Variants in CPE observed in about 807,000 individuals in gnomAD.
The protein encoded by CPE is carboxypeptidase E, also known as carbocypeptidase E.
A neutral mutation model predicts 53.5 loss-of-function variants in CPE; 17 were observed. The observed-to-expected ratio is 0.32, with a 90% CI of 0.22 to 0.48. The LOEUF is 0.48. Ranked by LOEUF, CPE falls within the 20% of genes least tolerant of loss-of-function variation. CPE has a pLI of 0.99. For missense variants in CPE, 524 were observed against 614.7 expected (o/e 0.85, Z 1.56); for synonymous variants, 226 against 228.8 (o/e 0.99, Z 0.11).
chr4:165,421,550 A>C (rs1731220524), intron 1 of CPE, among the ~76,000 whole-genome samples: 1 of 152,214 alleles, frequency 6.6e-6, no homozygotes, highest in Non-Finnish European at 1.5e-5. Flanking sequence ...TTTACCTCAC[A>C]GCCCTGCATC....
intron 1 of CPE, among the ~76,000 whole-genome samples, chr4:165,461,398 C>T (rs1206449556): frequency 2.0e-5 from 3 of 151,846 alleles, no homozygotes; most frequent in Admixed American, 6.6e-5. Flanking sequence ...AGAGGCACCA[C>T]GCCAAACCAC....
At chr4:165,435,466 TATATC>T (rs1731484204) in intron 1 of CPE, among the ~76,000 whole-genome samples, 1 of 152,218 alleles carries the variant, frequency 6.6e-6, no homozygotes, top group East Asian at 1.9e-4. Flanking sequence ...TATGGGTTAT[TATATC>T]ATAGGAAAAT....
chr4:165,399,635 G>A (rs1264537531), intron 1 of CPE, among the ~76,000 whole-genome samples: 1 of 152,176 alleles, frequency 6.6e-6, no homozygotes, highest in Non-Finnish European at 1.5e-5. Flanking sequence ...GCCTCCCAAA[G>A]TGCTGGGATT....
At chr4:165,451,392 T>C (rs1731804641) in intron 1 of CPE, among the ~76,000 whole-genome samples, 1 of 152,216 alleles carries the variant, frequency 6.6e-6, no homozygotes, top group African/African-American at 2.4e-5. Context: ...ATTTATTAGC[T>C]ACCCACTAGT....
chr4:165,389,083 A>G (rs1205695653), intron 1 of CPE, among the ~76,000 whole-genome samples: 3 of 152,206 alleles, frequency 2.0e-5, no homozygotes, highest in Admixed American at 1.3e-4. Flanking sequence ...AGTCAAATTC[A>G]GTTTTGAGAA....
At chr4:165,406,298 C>G (rs567997230) in intron 1 of CPE, 6 of 582,166 alleles carry the variant, frequency 1.0e-5, no homozygotes, top group African/African-American at 9.3e-5. Context: ...AGCGGAGGAT[C>G]CTGAAGGCAG....
chr4:165,476,476 G>A (rs780164257), intron 3 of CPE, among the ~76,000 whole-genome samples: 2 of 148,662 alleles, frequency 1.3e-5, no homozygotes, highest in African/African-American at 4.9e-5. Context: ...TCATATACCA[G>A]TTAAACTCTG....
chr4:165,449,854 C>T (rs1731778530), intron 1 of CPE, among the ~76,000 whole-genome samples: 1 of 151,568 alleles, frequency 6.6e-6, no homozygotes, highest in Admixed American at 6.6e-5. Context: ...TGATTTTTAT[C>T]AGTAAACTTG....
chr4:165,466,471 A>G (rs575181167), intron 2 of CPE, among the ~76,000 whole-genome samples: 1 of 152,278 alleles, frequency 6.6e-6, no homozygotes, highest in Non-Finnish European at 1.5e-5. Context: ...CTAAATTTAT[A>G]AAAACTATTT....
chr4:165,395,984 C>CT (rs1175381524), intron 1 of CPE, among the ~76,000 whole-genome samples: 1 of 152,138 alleles, frequency 6.6e-6, no homozygotes, highest in Non-Finnish European at 1.5e-5. Flanking sequence ...ACCACTGCAA[C>CT]TTTTTTCTCT....
chr4:165,488,338 G>T (rs1390511910), intron 6 of CPE, among the ~76,000 whole-genome samples: 1 of 152,134 alleles, frequency 6.6e-6, no homozygotes, highest in Non-Finnish European at 1.5e-5. Context: ...CAGAAGCCTG[G>T]ATCTTTACCA....
At chr4:165,447,580 A>AAAAGAAAAG (rs1553975425) in intron 1 of CPE, among the ~76,000 whole-genome samples, 1 of 151,704 alleles carries the variant, frequency 6.6e-6, no homozygotes, top group Admixed American at 6.6e-5. Flanking sequence ...TTAAAAAAAA[A>AAAAGAAAAG]AAAAGAAAAG....
intron 1 of CPE, among the ~76,000 whole-genome samples, chr4:165,388,094 A>G (rs1026508923): frequency 2.4e-4 from 36 of 152,380 alleles, no homozygotes; most frequent in African/African-American, 8.7e-4. Context: ...ATTTAAAATC[A>G]TAAAATCTTT....
intron 1 of CPE, among the ~76,000 whole-genome samples, chr4:165,393,129 A>G (rs186528143): frequency 1.4e-4 from 21 of 152,088 alleles, no homozygotes; most frequent in African/African-American, 4.6e-4. Context: ...TGTTTTGACT[A>G]TGTAATTCAA....
chr4:165,408,668 C>A (rs1399514649), intron 1 of CPE, among the ~76,000 whole-genome samples: 1 of 152,198 alleles, frequency 6.6e-6, no homozygotes, highest in Non-Finnish European at 1.5e-5. Context: ...TGGGGTCCCA[C>A]CCCCAGAGTT....
chr4:165,386,058 G>T (rs1371174453), intron 1 of CPE, among the ~76,000 whole-genome samples: 1 of 152,112 alleles, frequency 6.6e-6, no homozygotes, highest in South Asian at 2.1e-4. Flanking sequence ...AAATCCTGAG[G>T]CTTCTTATTT....
At chr4:165,400,647 C>T (rs113176485) in intron 1 of CPE, among the ~76,000 whole-genome samples, 7,643 of 152,240 alleles carry the variant, frequency 0.05, 253 homozygotes, top group Non-Finnish European at 0.078. Flanking sequence ...AGGGCAGTTT[C>T]ACCTCTAACA....
At chr4:165,427,235 T>G (rs1731336031) in intron 1 of CPE, among the ~76,000 whole-genome samples, 1 of 152,350 alleles carries the variant, frequency 6.6e-6, no homozygotes, top group East Asian at 1.9e-4. Flanking sequence ...TTTCTCAGGC[T>G]GTTCTTTTGA....
chr4:165,457,910 G>T (rs142418177), intron 1 of CPE, among the ~76,000 whole-genome samples: 1 of 151,944 alleles, frequency 6.6e-6, no homozygotes, highest in Admixed American at 6.6e-5. Flanking sequence ...TTGTTTATTG[G>T]ACCCCTGGTG....
Sources: allele counts gnomAD v4.1 joint callset (sites outside exome capture counted in the v4.1 genomes callset), GRCh38; gene constraint gnomAD v4.1.1; transcripts MANE v1.5; gene names NCBI Gene and HGNC (gene_info 2026-07-23, HGNC 2026-07-21).